Variants in SENP3 observed in about 807,000 individuals in gnomAD.
SENP3 encodes sentrin-specific protease 3.
Under a neutral mutation model 66.2 loss-of-function variants are expected in SENP3, and 11 were observed. The observed-to-expected ratio is 0.17, with a 90% confidence interval of 0.10 to 0.28. The LOEUF is 0.28. Among genes scored for constraint, SENP3 ranks in the 10% least tolerant of loss-of-function variants. SENP3 has a pLI of 1.00. For synonymous variants in SENP3, 292 were observed against 277.6 expected (o/e 1.05, Z -0.52); for missense variants, 548 against 743.7 (o/e 0.74, Z 3.06).
At chr17:7,568,369 A>T (rs1289950550) in intron 7 of SENP3, among the ~76,000 whole-genome samples, 2 of 152,236 alleles carry the variant, frequency 1.3e-5, no homozygotes, top group African/African-American at 4.8e-5. Flanking sequence ...AGGCTGAGGC[A>T]GATGGATCGC....
chr17:7,566,901 T>G (rs2071273713), intron 6 of SENP3, 26 bp from the exon 7 acceptor site: 340 of 1,505,836 alleles, frequency 2.3e-4, no homozygotes, highest in Non-Finnish European at 2.7e-4. Flanking sequence ...TTAATTCCAT[T>G]GAGCTTTTTT....
chr17:7,567,046 C>T, intron 7 of SENP3, 42 bp downstream of exon 7: 2 of 1,270,030 alleles, frequency 1.6e-6, no homozygotes, highest in Non-Finnish European at 1.1e-6. Context: ...TGCCTTGCCT[C>T]TAAAGAATGA....
chr17:7,563,218 T>C lies in SENP3; in HGVS notation c.142T>C (p.Phe48Leu). The C allele has an allele frequency of 6.4e-7, 1 of 1,574,154 alleles. No homozygotes were observed. Among genetic ancestry groups the C allele is most frequent in the Non-Finnish European group, 8.6e-7 (1 of 1,159,644 alleles). Residue 48 changes from phenylalanine (F) to leucine (L), a missense_variant, in exon 2 of 11, where the codon TTT becomes CTT. This residue lies in a region of SENP3 where 164 missense variants were observed against 167.9 expected (regional missense o/e 0.98). Transcript: ENST00000321337. ...PKPRLKSGGG[F>L]GPDPGSGTTV... ...ACCCCGACTCAAGTCAGGTGGAGGG[T>C]TTGGGCCAGATCCTGGGTCAGGGAC...
At chr17:7,569,718 C>G (rs2071297269) in intron 7 of SENP3, among the ~76,000 whole-genome samples, 1 of 152,202 alleles carries the variant, frequency 6.6e-6, no homozygotes, top group Non-Finnish European at 1.5e-5. Context: ...CTTCTTCATA[C>G]TGAGTTTGAG....
Position 7,565,562 on chromosome 17 carries a change from A to G in SENP3, c.1190A>G (p.Tyr397Cys). 1 of 1,613,896 alleles carries G rather than the reference A, an allele frequency of 6.2e-7. No individual in the cohort carries two copies. The highest frequency in any genetic ancestry group is 8.5e-7 in the Non-Finnish European group (1 of 1,179,850). ...VLTMDDLGTL[Y>C]GQNWLNDQVM... The stretch of plus-strand genomic sequence containing the variant: ...ACCATGGATGACTTGGGGACCTTGT[A>G]TGGACAGAACTGGCTCAATGACCAG... Residue 397 changes from tyrosine to cysteine, a missense_variant, in exon 5 of 11, where the codon TAT becomes TGT. Physicochemically the swap from Tyr to Cys is radical, Grantham distance 194 (BLOSUM62 -2). Around this residue, in one of 6 missense-constraint regions of SENP3, gnomAD observed 72 missense variants for 137.9 expected, o/e 0.52. Coordinates refer to ENST00000321337, the MANE Select transcript of SENP3 (RefSeq NM_015670.6).
Position 7,567,519 on chromosome 17 carries a change from CA to C in SENP3, c.1341+530del, listed in dbSNP as rs556802728. ...GGGCAACAAGAGCAAAACTCCGTCTCAAAAAAAAAAAAAAATCACAGTAATG... is the reference window on the plus strand; with the variant it reads ...GGGCAACAAGAGCAAAACTCCGTCTCAAAAAAAAAAAAAATCACAGTAATG... On this transcript the variant is annotated intron_variant, in intron 7 of 10. Coordinates refer to ENST00000321337, the MANE Select transcript of SENP3 (RefSeq NM_015670.6). Among the ~76,000 whole-genome samples the C allele has an allele frequency of 8.2e-3, 978 of 119,840 alleles. 5 individuals are homozygous for C. The highest frequency in any genetic ancestry group is 0.019 in the African/African-American group (645 of 33,236). The allele number at this position is 119,840 out of a possible 152,430, so 78.6% of individuals were successfully genotyped here.
At chr17:7,568,710 A>G (rs780486028) in intron 7 of SENP3, among the ~76,000 whole-genome samples, 1 of 152,088 alleles carries the variant, frequency 6.6e-6, no homozygotes, top group Non-Finnish European at 1.5e-5. Flanking sequence ...GCATCTTTTC[A>G]TCTGTACTCT....
At chr17:7,566,472 A>C (rs2071269474) in intron 6 of SENP3, among the ~76,000 whole-genome samples, 2 of 152,046 alleles carry the variant, frequency 1.3e-5, no homozygotes, top group South Asian at 4.1e-4. Flanking sequence ...CCTGGCCAAC[A>C]TGGTGAAACC....
chr17:7,564,485 A>T (rs1332769305), intron 2 of SENP3, 140 bp from the exon 3 acceptor site: 1 of 1,229,290 alleles, frequency 8.1e-7, no homozygotes, highest in Non-Finnish European at 1.2e-6. Context: ...CATTTCTTGG[A>T]GTGGGATTGA....
intron 6 of SENP3, among the ~76,000 whole-genome samples, chr17:7,566,231 C>T (rs527268388): frequency 2.6e-5 from 4 of 151,654 alleles, no homozygotes; most frequent in Non-Finnish European, 5.9e-5. Flanking sequence ...ATCCCAGTTA[C>T]TCGGGAGGCT....
intron 7 of SENP3, among the ~76,000 whole-genome samples, chr17:7,568,815 G>GGAAC (rs2071288461): frequency 1.3e-5 from 2 of 152,316 alleles, no homozygotes; most frequent in Non-Finnish European, 2.9e-5. Context: ...GGGGGTCATG[G>GGAAC]GAACGCTGAT....
chr17:7,565,338 A>G (rs951656593), intron 4 of SENP3, 102 bp from the exon 5 acceptor site: 21 of 1,432,468 alleles, frequency 1.5e-5, no homozygotes, highest in Non-Finnish European at 2.0e-5. Context: ...ATGAGCCAGA[A>G]AAAAGGGAGT....
intron 7 of SENP3, 68 bp downstream of exon 7, chr17:7,567,072 T>C: frequency 9.5e-7 from 1 of 1,048,602 alleles, no homozygotes; most frequent in Non-Finnish European, 1.5e-6. Context: ...TTGTTTTCTC[T>C]GAGCCCTTTC....
intron 4 of SENP3, 165 bp downstream of exon 4, chr17:7,565,235 GTC>G: frequency 1.3e-6 from 1 of 796,604 alleles, no homozygotes; most frequent in Non-Finnish European, 2.0e-6. Flanking sequence ...TGATGGGAGA[GTC>G]TTTACCTGGG....
intron 4 of SENP3, 83 bp from the exon 5 acceptor site, chr17:7,565,357 A>G (rs2071259406): frequency 2.0e-6 from 3 of 1,518,570 alleles, no homozygotes; most frequent in Non-Finnish European, 2.7e-6. Flanking sequence ...GTCAGTTAGA[A>G]TTTGTATTCC....
At position 7,564,671 on chromosome 17, in the gene SENP3, G is replaced by A. The variant is rs751880666; in HGVS notation, c.762G>A (p.Gly254=). ...TLPNGFGGQS[G]PEGERSLAPP... is the part of the protein sequence containing the mutation. ...CCAACGGTTTTGGGGGACAATCTGG[G>A]CCAGAAGGGGAGCGCAGCTTGGCAC... Residue 254 remains glycine (G), a synonymous_variant, in exon 3 of 11, where the codon GGG becomes GGA. Transcript: ENST00000321337. 1 of 1,614,026 alleles carries A rather than the reference G, an allele frequency of 6.2e-7. No homozygotes were observed. Among genetic ancestry groups the A allele is most frequent in the South Asian group, 1.1e-5 (1 of 91,086 alleles).
chr17:7,571,285 C>T (rs956472394), intron 10 of SENP3, 88 bp from the exon 11 acceptor site: 2 of 1,011,216 alleles, frequency 2.0e-6, no homozygotes, highest in African/African-American at 1.6e-5. Flanking sequence ...GGGATGTTCT[C>T]TGAAGGATGG....
rs765389289 is a variant in SENP3, at chr17:7,570,637, T to C, written c.1480-44T>C. ...ACTGTACCCACCATACTGTGTTCAA[T>C]TGAGAAACTTAGGGCATCACTTTCT... is the stretch of plus-strand genomic sequence containing the variant. On this transcript the variant is annotated intron_variant, in intron 8 of 10. Transcript: ENST00000321337. The surrounding 1 kb of genome is among the most constrained non-coding windows in gnomAD (Gnocchi z 5.4). The C allele has an allele frequency of 1.1e-5, 18 of 1,595,288 alleles. No homozygotes were observed. Among genetic ancestry groups the C allele is most frequent in the East Asian group, 6.8e-5 (3 of 44,312 alleles).
intron 5 of SENP3, 58 bp downstream of exon 5, chr17:7,565,645 G>GC (rs2071261479): frequency 5.6e-6 from 9 of 1,612,656 alleles, no homozygotes; most frequent in Non-Finnish European, 7.6e-6. Flanking sequence ...GGTGTCTGGG[G>GC]CCCTCTGCAT....
Sources: gnomAD v4.1 joint callset for allele counts (sites outside exome capture counted in the v4.1 genomes callset) on GRCh38, gnomAD v4.1.1 for gene constraint, gnomAD v4.1.1 regional missense constraint, Gnocchi (gnomAD v3.1) non-coding constraint, MANE v1.5 for transcripts, NCBI Gene and HGNC (gene_info 2026-07-23, HGNC 2026-07-21) for gene names.